ADNP: variants seen among roughly 807,000 people sequenced by gnomAD.
The protein encoded by ADNP is activity-dependent neuroprotector homeobox protein.
In ADNP, 4 loss-of-function variants were observed where a neutral mutation model predicts 84.9. The ratio of observed to expected loss-of-function variants is 0.05; its 90% confidence interval spans 0.02 to 0.11. The LOEUF is 0.11. Ranked by LOEUF, ADNP falls within the 10% of genes least tolerant of loss-of-function variation. The pLI, the probability that ADNP is intolerant of heterozygous loss-of-function variation, is 1.00. For missense variants in ADNP, 1,132 were observed against 1,326.0 expected (o/e 0.85, Z 2.27); for synonymous variants, 554 against 468.1 (o/e 1.18, Z -2.37).
At chr20:50,921,505 G>C (rs1983954277) in intron 2 of ADNP, among the ~76,000 whole-genome samples, 1 of 152,186 alleles carries the variant, frequency 6.6e-6, no homozygotes, top group Non-Finnish European at 1.5e-5. Context: ...TGGAGTCACT[G>C]GTCTTTTAGG....
chr20:50,905,681 T>C (rs1982408472), intron 2 of ADNP: 1 of 152,212 alleles, frequency 6.6e-6, no homozygotes, highest in African/African-American at 2.4e-5. Context: ...CTAGGCCTTA[T>C]CATACTCAAG....
chr20:50,923,772 C>T (rs2122991072), intron 2 of ADNP, among the ~76,000 whole-genome samples: 1 of 152,302 alleles, frequency 6.6e-6, no homozygotes, highest in East Asian at 1.9e-4. Context: ...CCAGCCTTGG[C>T]TTCCCAAAGT....
At chr20:50,908,648 C>T (rs564545295) in intron 2 of ADNP, among the ~76,000 whole-genome samples, 1 of 152,068 alleles carries the variant, frequency 6.6e-6, no homozygotes, top group East Asian at 1.9e-4. Context: ...GTGGTGGGCA[C>T]CTGTAGTCCC....
Position 50,889,787 on chromosome 20 carries a change from A to C in ADNP, c.*1618T>G, listed in dbSNP as rs1980463915. 2.5e-6 allele frequency: 1 copy of C among 398,016 alleles called. No homozygotes were observed. The highest frequency in any genetic ancestry group is 4.4e-6 in the Non-Finnish European group (1 of 225,822). The allele number at this position is 398,016 out of a possible 1,614,324, so 24.7% of individuals were successfully genotyped here. A position where few individuals can be genotyped will look rare whatever the true frequency, so the allele number is the denominator to read the frequency against. On this transcript the variant is annotated 3_prime_UTR_variant, in exon 6 of 6. Transcript: ENST00000621696. ...CTTTTTAGTACAAGTTCTCTTGGGA[A>C]TCTACGCATGGTAAAAATACCAGCT...
In ADNP at chr20:50,928,807, C is replaced by T. The variant is rs937261848; in HGVS notation, c.-246G>A. ...GGTGTAAAAGCTGGGGCCTAGGTTTCGCATTGTGCATCTCACACCTATGGA... is the reference window on the plus strand; with the variant it reads ...GGTGTAAAAGCTGGGGCCTAGGTTTTGCATTGTGCATCTCACACCTATGGA... On this transcript the variant is annotated 5_prime_UTR_variant, in exon 2 of 6. Transcript: ENST00000621696. 4.6e-5 allele frequency: 7 copies of T among 152,244 alleles called. No homozygotes were observed. Among genetic ancestry groups the T allele is most frequent in the Non-Finnish European group, 2.9e-5 (2 of 68,078 alleles). 9.4% of individuals were successfully genotyped at this position (152,244 alleles called of 1,614,324 possible).
chr20:50,920,065 T>C (rs1432310605), intron 2 of ADNP, among the ~76,000 whole-genome samples: 2 of 147,710 alleles, frequency 1.4e-5, no homozygotes, highest in Non-Finnish European at 3.0e-5. Flanking sequence ...GATCACGAAG[T>C]CAGGAGCTCG....
chr20:50,924,407 T>C (rs951154288), intron 2 of ADNP, among the ~76,000 whole-genome samples: 3 of 152,188 alleles, frequency 2.0e-5, no homozygotes, highest in Non-Finnish European at 4.4e-5. Flanking sequence ...AAAACCTCAC[T>C]GTGAAATGGG....
chr20:50,891,919 T>A lies in ADNP; in HGVS notation c.2795A>T (p.Asp932Val). The A allele has an allele frequency of 1.2e-6, 2 of 1,614,236 alleles. No homozygotes were observed. Among genetic ancestry groups the A allele is most frequent in the Admixed American group, 1.7e-5 (1 of 60,034 alleles). Residue 932 changes from aspartate to valine, a missense_variant, in exon 6 of 6, where the codon GAT (aspartate) becomes GTT (valine). By Grantham distance (152) the Asp-to-Val change is radical. Around this residue, in one of 10 missense-constraint regions of ADNP, gnomAD observed 381 missense variants for 319.9 expected, o/e 1.19. Transcript: ENST00000621696. ...ATGAATAGTTTCGTATTTTGAACCA[T>A]CCTCTTTTTGGTCTAGCTTCTCCTC... Reference protein sequence around the residue: ...ESEEKLDQKEDGSKYETIHLT... With the variant: ...ESEEKLDQKEVGSKYETIHLT...
intron 2 of ADNP, among the ~76,000 whole-genome samples, chr20:50,919,291 G>GTATA (rs199569280): frequency 0.039 from 2,988 of 77,112 alleles, 72 homozygotes; most frequent in Non-Finnish European, 0.058. Context: ...ATATTTAAGT[G>GTATA]TATATATATA....
chr20:50,930,361 C>G (rs1252210734), intron 1 of ADNP, among the ~76,000 whole-genome samples: 1 of 152,042 alleles, frequency 6.6e-6, no homozygotes, highest in Non-Finnish European at 1.5e-5. Context: ...CCCCCCCAAC[C>G]CCGTCCCCCC....
chr20:50,928,542 T>C (rs532229768), intron 2 of ADNP, 109 bp downstream of exon 2: 6 of 152,346 alleles, frequency 3.9e-5, no homozygotes, highest in African/African-American at 1.4e-4. Flanking sequence ...TTGAGGAATG[T>C]GGCTAGGCTG....
chr20:50,907,077 C>T (rs1982555861), intron 2 of ADNP, among the ~76,000 whole-genome samples: 1 of 150,484 alleles, frequency 6.6e-6, no homozygotes, highest in African/African-American at 2.4e-5. Context: ...ACACCATACT[C>T]CTGCCTCAGC....
At chr20:50,924,056 C>A (rs1984134649) in intron 2 of ADNP, among the ~76,000 whole-genome samples, 1 of 152,210 alleles carries the variant, frequency 6.6e-6, no homozygotes, top group Non-Finnish European at 1.5e-5. Context: ...AAGAGCAGAG[C>A]TTTACAGATT....
Position 50,914,149 on chromosome 20 carries a change from G to A in ADNP, c.-89-9300C>T, listed in dbSNP as rs1211741599. The A allele has an allele frequency of 3.9e-6, 3 of 771,708 alleles. No individual in the cohort carries two copies. In the African/African-American group the frequency reaches 5.2e-5, roughly 13 times the overall value. 47.8% of individuals were successfully genotyped at this position (771,708 alleles called of 1,614,324 possible). A position where few individuals can be genotyped will look rare whatever the true frequency, so the allele number is the denominator to read the frequency against. The stretch of plus-strand genomic sequence containing the variant: ...TGGTAAGGATCATTATGAGGCTACA[G>A]CAAAGCACCAGGCCACAGCCAAGGG... On this transcript the variant is annotated intron_variant, in intron 2 of 5. Coordinates refer to ENST00000621696, the MANE Select transcript of ADNP (RefSeq NM_001282531.3).
chr20:50,920,554 T>TA (rs577700827), intron 2 of ADNP, among the ~76,000 whole-genome samples: 2,258 of 129,772 alleles, frequency 0.017, 48 homozygotes, highest in African/African-American at 0.051. Context: ...TGGACTCCAT[T>TA]AAAAAAAAAA....
intron 4 of ADNP, among the ~76,000 whole-genome samples, chr20:50,903,471 C>T (rs539325149): frequency 6.6e-6 from 1 of 152,198 alleles, no homozygotes; most frequent in Non-Finnish European, 1.5e-5. Context: ...CCAGAACATT[C>T]AGGCGTATCA....
In ADNP at chr20:50,904,006, T is replaced by TG. The variant is rs753401142; in HGVS notation, c.-5-6dup. 2.5e-6 allele frequency: 4 copies of TG among 1,607,222 alleles called. No homozygotes were observed. In the African/African-American group the frequency reaches 5.4e-5, roughly 22 times the overall value. On this transcript the variant is annotated splice_polypyrimidine_tract_variant and splice_region_variant and intron_variant, in intron 3 of 5. Coordinates refer to ENST00000621696, the MANE Select transcript of ADNP (RefSeq NM_001282531.3). Reference sequence around the variant, plus strand: ...CAGGAAGTTGGAACATAGTTTCTATTGGAAAAAAAAATTTAAGTCAAAGTC... The same window carrying TG: ...CAGGAAGTTGGAACATAGTTTCTATTGGGAAAAAAAAATTTAAGTCAAAGTC...
rs764352042 is a variant in ADNP at position 50,893,364 on chromosome 20, T to C, written c.1350A>G (p.Thr450=). 6.2e-7 allele frequency: 1 copy of C among 1,614,210 alleles called. No homozygotes were observed. Among genetic ancestry groups the C allele is most frequent in the African/African-American group, 1.3e-5 (1 of 75,044 alleles). The change falls in exon 6 of 6, where the codon ACA becomes ACG. Residue 450 remains threonine (T), a synonymous_variant. Transcript: ENST00000621696. This position sits in a 1 kb window ranked among gnomAD's most constrained non-coding sequence, Gnocchi z 4.4. ...TSSTQKWKIC[T]ICNELFPENV... ...TTTCAGGAAAAAGCTCATTACAGATTGTACATATTTTCCACTTTTGAGTTG... is the reference window on the plus strand; with the variant it reads ...TTTCAGGAAAAAGCTCATTACAGATCGTACATATTTTCCACTTTTGAGTTG...
At chr20:50,901,909 G>T in intron 5 of ADNP, 108 bp downstream of exon 5, 2 of 850,242 alleles carry the variant, frequency 2.4e-6, no homozygotes, top group South Asian at 1.5e-5. Flanking sequence ...TGACACTTTC[G>T]ATGTTTGGCA....
Sources: allele counts gnomAD v4.1 joint callset (sites outside exome capture counted in the v4.1 genomes callset), GRCh38; gene constraint gnomAD v4.1.1; regional missense constraint gnomAD v4.1.1; non-coding constraint Gnocchi (gnomAD v3.1); transcripts MANE v1.5; gene names NCBI Gene and HGNC (gene_info 2026-07-23, HGNC 2026-07-21).